Variants in EYS observed in about 807,000 individuals in gnomAD.
EYS encodes protein eyes shut homolog.
EYS carries 250 observed loss-of-function variants against 282.1 expected under a neutral mutation model. The observed-to-expected ratio is 0.89, with a 90% CI of 0.80 to 0.98. The LOEUF (loss-of-function observed/expected upper bound fraction) is 0.98. Ranked by LOEUF, EYS falls within the 50% of genes least tolerant of loss-of-function variation. The pLI, the probability that EYS is intolerant of heterozygous loss-of-function variation, is 0.00. For missense variants in EYS, 4,016 were observed against 3,709.0 expected, an observed-to-expected ratio of 1.08 and a Z score of -2.15; for synonymous variants, 1,355 against 1,282.9, an observed-to-expected ratio of 1.06 and a Z score of -1.20.
intron 13 of EYS, among the ~76,000 whole-genome samples, chr6:65,023,312 C>T (rs1021026016): frequency 6.6e-5 from 10 of 151,850 alleles, no homozygotes; most frequent in African/African-American, 2.4e-4. Context: ...AGTTCAGATA[C>T]CACATGCAAT....
intron 7 of EYS, among the ~76,000 whole-genome samples, chr6:65,402,100 C>A (rs907097795): frequency 4.6e-5 from 7 of 151,572 alleles, no homozygotes; most frequent in African/African-American, 1.7e-4. Flanking sequence ...AAGAAATATT[C>A]TATTATTTTA....
intron 26 of EYS, among the ~76,000 whole-genome samples, chr6:64,457,765 T>C (rs1017366152): frequency 6.8e-6 from 1 of 147,054 alleles, no homozygotes; most frequent in South Asian, 2.1e-4. Context: ...GAGTCTCTTG[T>C]AGGCAGCATG....
At chr6:64,087,217 G>A (rs1179976461) in intron 31 of EYS, among the ~76,000 whole-genome samples, 2 of 152,058 alleles carry the variant, frequency 1.3e-5, no homozygotes, top group Admixed American at 1.3e-4. Context: ...CTTACTGGGA[G>A]TCACTAATGA....
chr6:64,714,357 A>T (rs1367083314), intron 22 of EYS, among the ~76,000 whole-genome samples: 2 of 152,028 alleles, frequency 1.3e-5, no homozygotes, highest in Non-Finnish European at 2.9e-5. Flanking sequence ...TGAGAGGAAA[A>T]CTTTCCTTTT....
chr6:65,345,144 A>G (rs545721107), intron 9 of EYS, among the ~76,000 whole-genome samples: 115 of 151,854 alleles, frequency 7.6e-4, no homozygotes, highest in African/African-American at 2.7e-3. Context: ...TATTACTGGA[A>G]AAAAAGAAGG....
rs1241787129 is a variant in EYS, at chr6:63,720,829, C to G, written c.9202G>C (p.Glu3068Gln). The G allele has an allele frequency of 3.3e-5, 51 of 1,551,028 alleles. No individual in the cohort carries two copies. Among genetic ancestry groups the G allele is most frequent in the African/African-American group, 1.1e-4 (8 of 72,976 alleles). The change falls in exon 43 of 43, where the codon GAG becomes CAG. Residue 3068 changes from glutamate to glutamine, a missense_variant. Coordinates refer to ENST00000503581, the MANE Select transcript of EYS (RefSeq NM_001142800.2). ...AAGTTTTTATGTGGATCAATATCCT[C>G]GGAAAGAATTAGACTGTTATTTATG... The part of the protein sequence containing the change: ...AYINNSLILS[E>Q]DIDPHKNFVA...
chr6:64,798,095 G>T (rs899543493), intron 22 of EYS, among the ~76,000 whole-genome samples: 1 of 151,716 alleles, frequency 6.6e-6, no homozygotes, highest in East Asian at 1.9e-4. Context: ...AAATTCAGAA[G>T]CAGATCACTT....
At chr6:65,298,698 T>A (rs1335102802) in intron 11 of EYS, among the ~76,000 whole-genome samples, 1 of 151,410 alleles carries the variant, frequency 6.6e-6, no homozygotes, top group Non-Finnish European at 1.5e-5. Flanking sequence ...TCAACCTACC[T>A]ACAATACAAA....
intron 22 of EYS, among the ~76,000 whole-genome samples, chr6:64,768,999 T>C (rs970181555): frequency 7.9e-5 from 12 of 152,214 alleles, no homozygotes; most frequent in Non-Finnish European, 1.5e-4. Context: ...TTGAGTCACC[T>C]TGTGGCTTGT....
At chr6:64,038,936 C>T (rs1375872214) in intron 33 of EYS, among the ~76,000 whole-genome samples, 1 of 152,120 alleles carries the variant, frequency 6.6e-6, no homozygotes, top group Non-Finnish European at 1.5e-5. Context: ...TCCTGAGTAG[C>T]TAGAACCACA....
intron 33 of EYS, among the ~76,000 whole-genome samples, chr6:64,034,169 C>A (rs1770001165): frequency 1.3e-5 from 2 of 151,968 alleles, no homozygotes; most frequent in Admixed American, 6.6e-5. Context: ...AAAATTAAAA[C>A]AAACAAACAA....
In EYS at chr6:65,698,170, G is replaced by T. The variant is rs553881274; in HGVS notation, c.-448+8965C>A. On this transcript the variant is annotated intron_variant, in intron 1 of 42. Coordinates refer to ENST00000503581, the MANE Select transcript of EYS (RefSeq NM_001142800.2). ...ACAAAGGTGCATCATTATACATAAAGAATAGTTGCCTTCCTAAGCACTGAC... is the reference window on the plus strand; with the variant it reads ...ACAAAGGTGCATCATTATACATAAATAATAGTTGCCTTCCTAAGCACTGAC... Among the ~76,000 whole-genome samples the T allele has an allele frequency of 5.9e-5, 9 of 152,190 alleles. No homozygotes were observed. In the East Asian group the frequency reaches 1.7e-3, roughly 29 times the overall value.
intron 26 of EYS, among the ~76,000 whole-genome samples, chr6:64,517,185 T>C (rs1255070299): frequency 6.6e-6 from 1 of 151,744 alleles, no homozygotes; most frequent in Non-Finnish European, 1.5e-5. Context: ...AATGAGCAGA[T>C]AGGGCCAAAT....
chr6:65,154,102 G>A (rs1231457742), intron 12 of EYS, among the ~76,000 whole-genome samples: 6 of 151,726 alleles, frequency 4.0e-5, no homozygotes, highest in South Asian at 4.2e-4. Context: ...TTAAGCTCTC[G>A]GAAAAGAGGG....
rs73767541 is a variant in EYS, at chr6:64,364,172, G to A, written c.6078+24518C>T. 5.6e-3 allele frequency among the ~76,000 whole-genome samples: 855 copies of A among 151,846 alleles called. 7 individuals carry two copies. Among genetic ancestry groups the A allele is most frequent in the African/African-American group, 0.019 (790 of 41,470 alleles). On this transcript the variant is annotated intron_variant, in intron 29 of 42. Transcript: ENST00000503581. ...TGGCCAAGAAAAATCTAGGGACCAC[G>A]TAATTCCATAAAAAATTCTCCATAA...
chr6:64,627,807 C>T (rs1767655105), intron 22 of EYS, among the ~76,000 whole-genome samples: 1 of 152,108 alleles, frequency 6.6e-6, no homozygotes, highest in Admixed American at 6.5e-5. Flanking sequence ...GGGCCGGGGG[C>T]GGTGGCTCAC....
intron 5 of EYS, among the ~76,000 whole-genome samples, chr6:65,410,987 ATGT>A (rs1172734073): frequency 1.3e-5 from 2 of 151,974 alleles, no homozygotes; most frequent in Non-Finnish European, 2.9e-5. Flanking sequence ...ATTTTTCTAG[ATGT>A]TAAGCAATTT....
At chr6:65,434,113 A>G (rs1326422307) in intron 5 of EYS, among the ~76,000 whole-genome samples, 1 of 152,208 alleles carries the variant, frequency 6.6e-6, no homozygotes. Flanking sequence ...ATTGGAGAGC[A>G]ATGTGGAGGA....
intron 36 of EYS, among the ~76,000 whole-genome samples, chr6:63,812,054 T>C (rs906236668): frequency 2.0e-5 from 3 of 152,242 alleles, no homozygotes; most frequent in African/African-American, 7.2e-5. Context: ...TTCCGTATTG[T>C]AGCCAAAGTG....
Sources: gnomAD v4.1 joint callset for allele counts (sites outside exome capture counted in the v4.1 genomes callset) on GRCh38, gnomAD v4.1.1 for gene constraint, MANE v1.5 for transcripts, NCBI Gene and HGNC (gene_info 2026-07-23, HGNC 2026-07-21) for gene names.